KIAA0825: variants seen among roughly 807,000 people sequenced by gnomAD.
The protein encoded by KIAA0825 is uncharacterized protein KIAA0825.
A neutral mutation model predicts 147.6 loss-of-function variants in KIAA0825; 119 were observed. The ratio of observed to expected loss-of-function variants is 0.81; its 90% CI spans 0.69 to 0.94. KIAA0825 has a LOEUF of 0.94. KIAA0825 is among the 40% of genes least tolerant of loss of function. The pLI is 0.00. For missense variants in KIAA0825, 1,381 were observed against 1,472.7 expected, an observed-to-expected ratio of 0.94 and a Z score of 1.02; for synonymous variants, 470 against 518.1, an observed-to-expected ratio of 0.91 and a Z score of 1.26.
At chr5:94,185,300 G>T (rs1394908436) in intron 20 of KIAA0825, among the ~76,000 whole-genome samples, 1 of 152,082 alleles carries the variant, frequency 6.6e-6, no homozygotes, top group Non-Finnish European at 1.5e-5. Flanking sequence ...TATACTTCTA[G>T]GGCTGAGGAC....
chr5:94,371,969 C>T (rs1746778180), intron 20 of KIAA0825, among the ~76,000 whole-genome samples: 2 of 152,170 alleles, frequency 1.3e-5, no homozygotes, highest in Non-Finnish European at 2.9e-5. Flanking sequence ...TACACCTGTT[C>T]CAAATGAGAG....
intron 1 of KIAA0825, among the ~76,000 whole-genome samples, chr5:94,585,822 G>A (rs532680112): frequency 2.0e-5 from 3 of 152,250 alleles, no homozygotes; most frequent in Non-Finnish European, 4.4e-5. Flanking sequence ...TAAAAGAACA[G>A]AAATCACAAC....
In KIAA0825 at chr5:94,572,204, C is replaced by T. The variant is rs140873091; in HGVS notation, c.-2+10229G>A. Among the ~76,000 whole-genome samples the T allele has an allele frequency of 3.7e-3, 557 of 152,176 alleles. 3 individuals are homozygous for T. The highest frequency in any genetic ancestry group is 0.013 in the African/African-American group (531 of 41,514). Reference sequence around the variant, plus strand: ...AATGTACAATCAACTGACCAGGGCACGGGCACATCAACTGGCCAGCAGGGC... The same window carrying T: ...AATGTACAATCAACTGACCAGGGCATGGGCACATCAACTGGCCAGCAGGGC... On this transcript the variant is annotated intron_variant, in intron 2 of 20. Transcript: ENST00000682413.
At chr5:94,320,518 T>C (rs1780069435) in intron 20 of KIAA0825, among the ~76,000 whole-genome samples, 1 of 151,824 alleles carries the variant, frequency 6.6e-6, no homozygotes, top group African/African-American at 2.4e-5. Context: ...CCCACACCCT[T>C]CCCAGCTTCT....
intron 5 of KIAA0825, among the ~76,000 whole-genome samples, chr5:94,502,096 A>G (rs1260022422): frequency 6.6e-6 from 1 of 152,172 alleles, no homozygotes; most frequent in Non-Finnish European, 1.5e-5. Flanking sequence ...ACACCAAACT[A>G]TTAACAGGGA....
chr5:94,541,270 G>A (rs183137515), intron 2 of KIAA0825, among the ~76,000 whole-genome samples: 5 of 152,242 alleles, frequency 3.3e-5, no homozygotes, highest in African/African-American at 9.6e-5. Flanking sequence ...TCCACACCTA[G>A]TACAAAATTA....
At chr5:94,375,033 C>CT (rs35435550) in intron 20 of KIAA0825, among the ~76,000 whole-genome samples, 34,504 of 130,198 alleles carry the variant, frequency 0.27, 5,788 homozygotes, top group Non-Finnish European at 0.36. Flanking sequence ...CTTTCCTTCT[C>CT]TTTTTTTTTT....
chr5:94,324,952 C>T, intron 20 of KIAA0825, among the ~76,000 whole-genome samples: 1 of 151,762 alleles, frequency 6.6e-6, no homozygotes, highest in South Asian at 2.1e-4. Flanking sequence ...AATTCTGAAC[C>T]CTAACTACAG....
intron 1 of KIAA0825, among the ~76,000 whole-genome samples, chr5:94,583,359 T>C (rs1782602346): frequency 6.6e-6 from 1 of 152,234 alleles, no homozygotes; most frequent in Non-Finnish European, 1.5e-5. Flanking sequence ...TTCCCTCTTG[T>C]GTCTGGCTTG....
intron 20 of KIAA0825, among the ~76,000 whole-genome samples, chr5:94,300,639 A>T (rs1052253395): frequency 4.6e-5 from 7 of 152,200 alleles, no homozygotes; most frequent in African/African-American, 1.4e-4. Flanking sequence ...TGAAAAGAAT[A>T]GCAAGTTCTG....
chr5:94,502,529 C>A (rs1584704120), intron 5 of KIAA0825, among the ~76,000 whole-genome samples: 1 of 151,972 alleles, frequency 6.6e-6, no homozygotes, highest in East Asian at 1.9e-4. Flanking sequence ...AAGAAAAATT[C>A]TAAACTATTA....
intron 10 of KIAA0825, among the ~76,000 whole-genome samples, chr5:94,468,893 C>T (rs1293007040): frequency 6.6e-6 from 1 of 152,122 alleles, no homozygotes; most frequent in Non-Finnish European, 1.5e-5. Context: ...GTTAATGAAA[C>T]TAGGCATGGC....
chr5:94,590,742 A>T (rs1233160672), intron 1 of KIAA0825, among the ~76,000 whole-genome samples: 1 of 152,220 alleles, frequency 6.6e-6, no homozygotes, highest in Non-Finnish European at 1.5e-5. Context: ...TATTCCACAC[A>T]TTGTCAATGT....
chr5:94,565,095 CT>C (rs1176429699), intron 2 of KIAA0825, among the ~76,000 whole-genome samples: 5,925 of 52,874 alleles, frequency 0.11, 296 homozygotes, highest in African/African-American at 0.17. Flanking sequence ...TCTTGCTTTC[CT>C]TTTTTTTTTT....
intron 2 of KIAA0825, among the ~76,000 whole-genome samples, chr5:94,552,018 CA>C (rs1407943463): frequency 1.3e-5 from 2 of 151,602 alleles, no homozygotes; most frequent in East Asian, 3.9e-4. Flanking sequence ...ATATACTGCC[CA>C]CAAAAAAACT....
intron 15 of KIAA0825, among the ~76,000 whole-genome samples, chr5:94,411,240 T>C (rs2150677051): frequency 6.6e-6 from 1 of 152,052 alleles, no homozygotes; most frequent in African/African-American, 2.4e-5. Flanking sequence ...TAAAATGGAA[T>C]ACTGACAAAT....
At chr5:94,292,866 C>A (rs1777962579) in intron 20 of KIAA0825, among the ~76,000 whole-genome samples, 1 of 152,048 alleles carries the variant, frequency 6.6e-6, no homozygotes, top group East Asian at 1.9e-4. Context: ...AGGAATTTAA[C>A]CATTTCTTCT....
chr5:94,193,954 A>G (rs573344430), intron 20 of KIAA0825, among the ~76,000 whole-genome samples: 1 of 152,304 alleles, frequency 6.6e-6, no homozygotes, highest in African/African-American at 2.4e-5. Context: ...ACCCAAAAGC[A>G]TATTATTTGG....
At chr5:94,497,855 T>G (rs921512382) in intron 5 of KIAA0825, among the ~76,000 whole-genome samples, 2 of 152,234 alleles carry the variant, frequency 1.3e-5, no homozygotes, top group Non-Finnish European at 2.9e-5. Context: ...GATGCTGCTG[T>G]GGATTTAGAA....
Sources: allele counts gnomAD v4.1 joint callset (sites outside exome capture counted in the v4.1 genomes callset), GRCh38; gene constraint gnomAD v4.1.1; transcripts MANE v1.5; gene names NCBI Gene and HGNC (gene_info 2026-07-23, HGNC 2026-07-21).